The following KSR1 variants were observed in gnomAD, a reference collection of about 807,000 sequenced individuals.
The protein encoded by KSR1 is kinase suppressor of ras 1.
Under a neutral mutation model 92.9 loss-of-function variants are expected in KSR1, and 35 were observed. The ratio of observed to expected loss-of-function variants is 0.38; its 90% CI spans 0.29 to 0.50. The LOEUF is 0.50. Among genes scored for constraint, KSR1 ranks in the 20% least tolerant of loss-of-function variants. KSR1 has a pLI of 0.94. For missense variants in KSR1, 972 were observed against 1,158.5 expected (o/e 0.84, Z 2.34); for synonymous variants, 467 against 472.6 (o/e 0.99, Z 0.15).
chr17:27,611,328 C>A, intron 17 of KSR1, 166 bp from the exon 18 acceptor site: 1 of 768,980 alleles, frequency 1.3e-6, no homozygotes, highest in Non-Finnish European at 2.0e-6. Flanking sequence ...TCCTCTAGGG[C>A]TGGGAGGAGC....
At chr17:27,527,714 A>G (rs1254272060) in intron 1 of KSR1, among the ~76,000 whole-genome samples, 1 of 152,150 alleles carries the variant, frequency 6.6e-6, no homozygotes, top group Non-Finnish European at 1.5e-5. Flanking sequence ...TGGGGCACAA[A>G]TCAGACTGTA....
At chr17:27,579,950 A>G (rs1225981353) in intron 3 of KSR1, 2 of 143,782 alleles carry the variant, frequency 1.4e-5, no homozygotes, top group Admixed American at 7.1e-5. Flanking sequence ...TGAATAGGAG[A>G]TGAACATTCC....
intron 19 of KSR1, among the ~76,000 whole-genome samples, chr17:27,618,129 A>G (rs749146458): frequency 7.9e-5 from 12 of 151,732 alleles, no homozygotes; most frequent in Non-Finnish European, 5.9e-5. Context: ...CAGAGTCAAT[A>G]TTGCTTACAA....
intron 5 of KSR1, chr17:27,585,951 C>CGGCCA: frequency 2.3e-6 from 1 of 427,566 alleles, no homozygotes; most frequent in Non-Finnish European, 4.3e-6. Context: ...CTTGCCCTTC[C>CGGCCA]CCACCGAGAC....
intron 1 of KSR1, among the ~76,000 whole-genome samples, chr17:27,496,321 G>A (rs2068983932): frequency 6.6e-6 from 1 of 152,168 alleles, no homozygotes; most frequent in Non-Finnish European, 1.5e-5. Flanking sequence ...ATGGGGGCAA[G>A]GGAGGAAGGC....
intron 1 of KSR1, among the ~76,000 whole-genome samples, chr17:27,504,198 A>G (rs1287690578): frequency 6.6e-6 from 1 of 152,096 alleles, no homozygotes; most frequent in African/African-American, 2.4e-5. Flanking sequence ...TTAATGACTT[A>G]CCCAAACATC....
At chr17:27,509,903 G>A (rs1213183611) in intron 1 of KSR1, among the ~76,000 whole-genome samples, 4 of 152,204 alleles carry the variant, frequency 2.6e-5, no homozygotes, top group Admixed American at 6.5e-5. Context: ...CACGTTGGGC[G>A]AGCAGGGGCA....
intron 1 of KSR1, among the ~76,000 whole-genome samples, chr17:27,517,331 A>G (rs144008606): frequency 6.6e-6 from 1 of 151,748 alleles, no homozygotes; most frequent in South Asian, 2.1e-4. Flanking sequence ...TTTTTATTTT[A>G]TTTTTATTTT....
At chr17:27,530,839 G>T (rs1019537270) in intron 1 of KSR1, among the ~76,000 whole-genome samples, 2 of 152,188 alleles carry the variant, frequency 1.3e-5, no homozygotes, top group Non-Finnish European at 2.9e-5. Context: ...TTTTGCTTAC[G>T]TAGTTCTTGC....
intron 5 of KSR1, chr17:27,588,261 C>T: frequency 2.7e-6 from 1 of 368,974 alleles, no homozygotes; most frequent in Non-Finnish European, 4.9e-6. Flanking sequence ...AGGCCAGGAG[C>T]AAGCTAGAGG....
intron 1 of KSR1, among the ~76,000 whole-genome samples, chr17:27,463,508 T>A (rs2019546347): frequency 6.6e-6 from 1 of 151,412 alleles, no homozygotes; most frequent in Admixed American, 6.6e-5. Flanking sequence ...GTCCTCTGGC[T>A]GAGATTCTGG....
intron 1 of KSR1, among the ~76,000 whole-genome samples, chr17:27,536,180 G>A (rs1333449372): frequency 6.6e-6 from 1 of 152,188 alleles, no homozygotes; most frequent in Admixed American, 6.5e-5. Flanking sequence ...TGCCCTTTGA[G>A]GGTGGAATCT....
At chr17:27,585,950 C>T in intron 5 of KSR1, 1 of 433,274 alleles carries the variant, frequency 2.3e-6, no homozygotes, top group Non-Finnish European at 4.2e-6. Context: ...CCTTGCCCTT[C>T]CCCACCGAGA....
At chr17:27,472,992 G>A (rs1264839711) in intron 1 of KSR1, among the ~76,000 whole-genome samples, 3 of 152,132 alleles carry the variant, frequency 2.0e-5, no homozygotes, top group African/African-American at 7.2e-5. Flanking sequence ...GCTCACTGCA[G>A]CCTCTGTCTA....
In KSR1 at chr17:27,456,653, G is replaced by A. The variant is rs1296697940; in HGVS notation, c.10G>A (p.Ala4Thr). The change falls in exon 1 of 21, where the codon GCA becomes ACA. Residue 4 changes from alanine to threonine, a missense_variant. Around this residue, in one of 5 missense-constraint regions of KSR1, gnomAD observed 36 missense variants for 16.0 expected, o/e 2.25. Transcript: ENST00000644974. Reference sequence around the variant, plus strand: ...GCCCCGATGCCGAGGCATGGATAGAGCAGCGCTGCGCGCGGCGGCGATGGG... The same window carrying A: ...GCCCCGATGCCGAGGCATGGATAGAACAGCGCTGCGCGCGGCGGCGATGGG... MDRAALRAAAMGEK... is the reference protein window; with the variant it reads MDRTALRAAAMGEK... 2 of 632,874 alleles carry A rather than the reference G, an allele frequency of 3.2e-6. No individual in the cohort carries two copies. The highest frequency in any genetic ancestry group is 5.5e-6 in the Non-Finnish European group (2 of 366,204). The allele number at this position is 632,874 out of a possible 1,614,324, so 39.2% of individuals were successfully genotyped here. A position where few individuals can be genotyped will look rare whatever the true frequency, so the allele number is the denominator to read the frequency against.
At chr17:27,557,145 G>A (rs902761172) in intron 2 of KSR1, among the ~76,000 whole-genome samples, 1 of 152,170 alleles carries the variant, frequency 6.6e-6, no homozygotes, top group African/African-American at 2.4e-5. Context: ...AGGTCCTTGG[G>A]GATTTCTGTG....
intron 1 of KSR1, among the ~76,000 whole-genome samples, chr17:27,487,259 ACC>A (rs911894257): frequency 9.2e-5 from 14 of 152,086 alleles, no homozygotes; most frequent in African/African-American, 3.1e-4. Context: ...ACATGGTGAA[ACC>A]CCGTCTCTAC....
In KSR1 at chr17:27,590,674, C is replaced by T. The variant is rs945540095; in HGVS notation, c.1047-137C>T. The T allele has an allele frequency of 3.8e-5, 27 of 701,932 alleles. 1 individual carries two copies. The highest frequency in any genetic ancestry group is 6.3e-5 in the Non-Finnish European group (26 of 412,316). 43.5% of individuals were successfully genotyped at this position (701,932 alleles called of 1,614,324 possible). The stretch of plus-strand genomic sequence containing the variant: ...GCAGTGGCCCGTGGGTATCTCTGTC[C>T]TCTCTGGGAGGGGGCCAAGGGGCTC... On this transcript the variant is annotated intron_variant, in intron 6 of 20. Coordinates refer to ENST00000644974, the MANE Select transcript of KSR1 (RefSeq NM_001394583.1).
intron 1 of KSR1, among the ~76,000 whole-genome samples, chr17:27,516,056 T>C (rs1860132136): frequency 6.6e-6 from 1 of 152,202 alleles, no homozygotes; most frequent in Non-Finnish European, 1.5e-5. Context: ...GCAGCCCCCA[T>C]TTTATAAGCA....
Sources: gnomAD v4.1 joint callset for allele counts (sites outside exome capture counted in the v4.1 genomes callset) on GRCh38, gnomAD v4.1.1 for gene constraint, gnomAD v4.1.1 regional missense constraint, MANE v1.5 for transcripts, NCBI Gene and HGNC (gene_info 2026-07-23, HGNC 2026-07-21) for gene names.